The following LIN28B variants were observed in gnomAD, a reference collection of about 807,000 sequenced individuals.
The protein encoded by LIN28B is lin-28 RNA binding posttranscriptional regulator B, also known as protein lin-28 homolog B.
LIN28B carries 5 observed loss-of-function variants against 21.9 expected under a neutral mutation model. The observed-to-expected ratio is 0.23, with a 90% CI of 0.12 to 0.48. The LOEUF (loss-of-function observed/expected upper bound fraction) is 0.48. LIN28B is among the 20% of genes least tolerant of loss of function. LIN28B has a pLI of 0.98. For missense variants in LIN28B, 245 were observed against 310.5 expected, an observed-to-expected ratio of 0.79 and a Z score of 1.58; for synonymous variants, 109 against 111.3, an observed-to-expected ratio of 0.98 and a Z score of 0.13.
At chr6:105,059,783 T>A (rs1163097040) in intron 3 of LIN28B, among the ~76,000 whole-genome samples, 1 of 152,200 alleles carries the variant, frequency 6.6e-6, no homozygotes, top group Non-Finnish European at 1.5e-5. Context: ...TTGACACTAG[T>A]CATTTTGCAT....
intron 2 of LIN28B, among the ~76,000 whole-genome samples, chr6:104,944,869 A>G (rs547579056): frequency 2.0e-5 from 3 of 152,098 alleles, no homozygotes; most frequent in Non-Finnish European, 4.4e-5. Context: ...TTTTCAAGCA[A>G]CCAGTTTCTA....
At chr6:104,978,152 T>C (rs1312165831) in intron 2 of LIN28B, among the ~76,000 whole-genome samples, 1 of 152,238 alleles carries the variant, frequency 6.6e-6, no homozygotes, top group African/African-American at 2.4e-5. Context: ...TTTGGGCTAC[T>C]GCCCCCCACC....
At chr6:104,992,514 G>GTTTTT (rs71003467) in intron 2 of LIN28B, among the ~76,000 whole-genome samples, 1 of 139,602 alleles carries the variant, frequency 7.2e-6, no homozygotes, top group African/African-American at 2.8e-5. Flanking sequence ...GTGTGTGTGT[G>GTTTTT]TTTTTTTTTT....
intron 2 of LIN28B, among the ~76,000 whole-genome samples, chr6:104,984,095 A>G (rs1166082027): frequency 6.6e-6 from 1 of 152,182 alleles, no homozygotes; most frequent in Non-Finnish European, 1.5e-5. Flanking sequence ...AATTCTTCCT[A>G]CTGAAGACCA....
At chr6:105,024,182 G>A (rs1771237447) in intron 2 of LIN28B, among the ~76,000 whole-genome samples, 1 of 151,980 alleles carries the variant, frequency 6.6e-6, no homozygotes, top group Non-Finnish European at 1.5e-5. Flanking sequence ...AGTAGAGACG[G>A]GGTTTTGCCA....
rs34394074 is a variant in LIN28B at position 104,989,576 on chromosome 6, G to GTTTTTTTTTTTTTTTTTTTT, written c.198+31296_198+31315dup. Among the ~76,000 whole-genome samples the GTTTTTTTTTTTTTTTTTTTT allele has an allele frequency of 2.0e-4, 12 of 60,572 alleles. 1 individual carries two copies. The highest frequency in any genetic ancestry group is 2.4e-4 in the African/African-American group (4 of 16,662). The allele number at this position is 60,572 out of a possible 152,430, so 39.7% of individuals were successfully genotyped here. A position where few individuals can be genotyped will look rare whatever the true frequency, so the allele number is the denominator to read the frequency against. ...GAAACTTTATTTTTATTTTACTTGG[G>GTTTTTTTTTTTTTTTTTTTT]TTTTTTTTTTTTTTTTTTTTTTTTT... On this transcript the variant is annotated intron_variant, in intron 2 of 3. Transcript: ENST00000345080.
chr6:104,963,639 T>G (rs78190087), intron 2 of LIN28B, among the ~76,000 whole-genome samples: 1 of 152,200 alleles, frequency 6.6e-6, no homozygotes, highest in East Asian at 1.9e-4. Flanking sequence ...GATTTTTCCA[T>G]GTACCCTTGC....
chr6:104,974,488 CAAA>C (rs375405881), intron 2 of LIN28B, among the ~76,000 whole-genome samples: 5 of 64,992 alleles, frequency 7.7e-5, no homozygotes, highest in Non-Finnish European at 6.2e-5. Context: ...GACTCCATCT[CAAA>C]AAAAAAAAAA....
intron 2 of LIN28B, among the ~76,000 whole-genome samples, chr6:104,944,820 G>A (rs1386399446): frequency 1.3e-5 from 2 of 152,006 alleles, no homozygotes; most frequent in South Asian, 4.1e-4. Flanking sequence ...CAAATTAAGG[G>A]TCAAAGGTGA....
intron 3 of LIN28B, among the ~76,000 whole-genome samples, chr6:105,042,466 T>C (rs754742844): frequency 6.6e-6 from 1 of 152,194 alleles, no homozygotes; most frequent in Non-Finnish European, 1.5e-5. Context: ...CTTTTTTCCT[T>C]CTCTCCTGGA....
chr6:104,950,417 A>T (rs1778207603), intron 2 of LIN28B: 5 of 1,065,452 alleles, frequency 4.7e-6, no homozygotes, highest in Middle Eastern at 3.5e-4. Flanking sequence ...GAGGCAATTA[A>T]ATAGGCAATT....
chr6:104,998,243 A>T (rs2114284811), intron 2 of LIN28B, among the ~76,000 whole-genome samples: 1 of 152,330 alleles, frequency 6.6e-6, no homozygotes, highest in South Asian at 2.1e-4. Context: ...AGTAAAATTT[A>T]ACCTATTATG....
intron 2 of LIN28B, among the ~76,000 whole-genome samples, chr6:104,944,129 A>AT (rs11285463): frequency 9.3e-5 from 14 of 151,034 alleles, no homozygotes; most frequent in African/African-American, 2.2e-4. Context: ...TATTTCATAA[A>AT]TTTTTTTTTT....
At chr6:104,985,837 C>T (rs1003500098) in intron 2 of LIN28B, among the ~76,000 whole-genome samples, 1 of 152,062 alleles carries the variant, frequency 6.6e-6, no homozygotes, top group African/African-American at 2.4e-5. Context: ...AAGTAGATGT[C>T]AAGGTTTATT....
intron 2 of LIN28B, among the ~76,000 whole-genome samples, chr6:104,944,093 A>G (rs1778128954): frequency 6.6e-6 from 1 of 151,846 alleles, no homozygotes; most frequent in Non-Finnish European, 1.5e-5. Context: ...AAGTAGCATC[A>G]TGACTATAGG....
At chr6:105,017,985 T>C (rs1490276890) in intron 2 of LIN28B, among the ~76,000 whole-genome samples, 3 of 152,206 alleles carry the variant, frequency 2.0e-5, no homozygotes, top group African/African-American at 7.2e-5. Context: ...ATCAAAAGTT[T>C]CCATTGGCTG....
At chr6:104,966,388 T>C (rs1363473628) in intron 2 of LIN28B, among the ~76,000 whole-genome samples, 1 of 152,166 alleles carries the variant, frequency 6.6e-6, no homozygotes, top group Non-Finnish European at 1.5e-5. Flanking sequence ...ACTGTAACAA[T>C]CTCAGGTTTT....
At chr6:105,037,273 A>G (rs1393007733) in intron 3 of LIN28B, among the ~76,000 whole-genome samples, 1 of 152,138 alleles carries the variant, frequency 6.6e-6, no homozygotes, top group Non-Finnish European at 1.5e-5. Flanking sequence ...ATCTAGGGGA[A>G]TCACAAAGTT....
intron 2 of LIN28B, among the ~76,000 whole-genome samples, chr6:104,939,875 G>A (rs557845332): frequency 9.2e-5 from 14 of 152,258 alleles, no homozygotes; most frequent in Non-Finnish European, 1.8e-4. Flanking sequence ...CTGAAAGTCT[G>A]ATGAGAAACT....
Sources: allele counts gnomAD v4.1 joint callset (sites outside exome capture counted in the v4.1 genomes callset), GRCh38; gene constraint gnomAD v4.1.1; transcripts MANE v1.5; gene names NCBI Gene and HGNC (gene_info 2026-07-23, HGNC 2026-07-21).